NKAIN2: variants seen among roughly 807,000 people sequenced by gnomAD.
NKAIN2 encodes the protein sodium/potassium transporting ATPase interacting 2, also known as sodium/potassium-transporting ATPase subunit beta-1-interacting protein 2.
Under a neutral mutation model 32.6 loss-of-function variants are expected in NKAIN2, and 14 were observed. The observed-to-expected ratio is 0.43, with a 90% CI of 0.28 to 0.67. NKAIN2 has a LOEUF of 0.67. NKAIN2 is among the 30% of genes least tolerant of loss of function. The probability of loss-of-function intolerance (pLI) is 0.17; values close to 1 mark genes in which losing one functional copy is unlikely to be tolerated. For missense variants in NKAIN2, 198 were observed against 258.3 expected (o/e 0.77, Z 1.60); for synonymous variants, 80 against 87.2 (o/e 0.92, Z 0.46).
chr6:124,683,105 A>G (rs1300185871), intron 4 of NKAIN2, among the ~76,000 whole-genome samples: 1 of 152,240 alleles, frequency 6.6e-6, no homozygotes, highest in Non-Finnish European at 1.5e-5. Flanking sequence ...CACATTTGTA[A>G]CAAACATAAG....
chr6:123,860,432 A>T (rs777225976), intron 1 of NKAIN2, among the ~76,000 whole-genome samples: 13 of 152,138 alleles, frequency 8.5e-5, no homozygotes, highest in Non-Finnish European at 1.8e-4. Context: ...ATTATCTGAG[A>T]CAGGATGTCA....
intron 3 of NKAIN2, among the ~76,000 whole-genome samples, chr6:124,486,681 C>G (rs717515): frequency 0.2 from 30,427 of 152,018 alleles, 3,693 homozygotes; most frequent in African/African-American, 0.35. Flanking sequence ...GGAAGCTCTT[C>G]TTTACAGAAT....
In NKAIN2 at chr6:124,680,243, C is replaced by T. The variant is rs1467993004; in HGVS notation, c.474+21857C>T. On this transcript the variant is annotated intron_variant, in intron 4 of 6. Coordinates refer to ENST00000368417, the MANE Select transcript of NKAIN2 (RefSeq NM_001040214.3). ...TGTTTAAAATTTAAGGAATGTGTTT[C>T]CCTTAAAGATTTACTGCAGACCTCC... 3.3e-5 allele frequency among the ~76,000 whole-genome samples: 5 copies of T among 152,134 alleles called. No individual in the cohort carries two copies. The East Asian group carries it at 5.8e-4, about 18-fold the overall frequency.
intron 4 of NKAIN2, among the ~76,000 whole-genome samples, chr6:124,711,221 C>A (rs1775434905): frequency 8.5e-6 from 1 of 117,618 alleles, no homozygotes; most frequent in Non-Finnish European, 1.7e-5. Context: ...GATGGGCTTC[C>A]CTTTGAGGGT....
intron 1 of NKAIN2, among the ~76,000 whole-genome samples, chr6:124,255,037 T>C (rs1466627481): frequency 6.6e-6 from 1 of 152,210 alleles, no homozygotes; most frequent in Non-Finnish European, 1.5e-5. Flanking sequence ...AGTGAACTAG[T>C]AGAGTCCGGC....
intron 1 of NKAIN2, among the ~76,000 whole-genome samples, chr6:124,027,436 C>T (rs903265265): frequency 6.6e-6 from 1 of 152,158 alleles, no homozygotes; most frequent in Admixed American, 6.5e-5. Context: ...TGAGCCACCG[C>T]GCCCAGCCAA....
intron 3 of NKAIN2, among the ~76,000 whole-genome samples, chr6:124,598,285 G>C (rs1302055648): frequency 1.3e-5 from 2 of 151,846 alleles, no homozygotes; most frequent in African/African-American, 4.8e-5. Flanking sequence ...CTCTCATAAG[G>C]GATCAAGAGC....
At chr6:123,872,648 C>T (rs1468105187) in intron 1 of NKAIN2, among the ~76,000 whole-genome samples, 1 of 152,168 alleles carries the variant, frequency 6.6e-6, no homozygotes, top group Non-Finnish European at 1.5e-5. Context: ...CTCATGAACA[C>T]ACTACGGCTC....
At chr6:124,375,459 A>G (rs1048107013) in intron 3 of NKAIN2, among the ~76,000 whole-genome samples, 2 of 146,020 alleles carry the variant, frequency 1.4e-5, no homozygotes, top group East Asian at 2.0e-4. Context: ...TATATATTAC[A>G]TAAACTAATG....
intron 1 of NKAIN2, among the ~76,000 whole-genome samples, chr6:124,089,106 C>A: frequency 6.6e-6 from 1 of 151,980 alleles, no homozygotes. Flanking sequence ...TAAAGTCAAT[C>A]ACCATTGACA....
chr6:124,198,039 G>T (rs1790407699), intron 1 of NKAIN2, among the ~76,000 whole-genome samples: 1 of 151,826 alleles, frequency 6.6e-6, no homozygotes, highest in African/African-American at 2.4e-5. Context: ...AATTAACTGG[G>T]TTTGGGATTT....
intron 3 of NKAIN2, among the ~76,000 whole-genome samples, chr6:124,500,887 A>C (rs1351316452): frequency 6.6e-6 from 1 of 152,158 alleles, no homozygotes; most frequent in East Asian, 1.9e-4. Context: ...GTCAGTCATA[A>C]GAGCTCATGA....
intron 3 of NKAIN2, among the ~76,000 whole-genome samples, chr6:124,586,321 T>C (rs1389671861): frequency 6.6e-6 from 1 of 152,174 alleles, no homozygotes; most frequent in Non-Finnish European, 1.5e-5. Flanking sequence ...GTACAGCCAC[T>C]TTGAAACATG....
chr6:124,614,809 G>A (rs538313116), intron 3 of NKAIN2, among the ~76,000 whole-genome samples: 7 of 152,104 alleles, frequency 4.6e-5, no homozygotes, highest in Non-Finnish European at 4.4e-5. Context: ...CACATATAGC[G>A]TGTCCACAGC....
At chr6:123,934,299 A>G (rs1165607458) in intron 1 of NKAIN2, among the ~76,000 whole-genome samples, 1 of 151,986 alleles carries the variant, frequency 6.6e-6, no homozygotes, top group Non-Finnish European at 1.5e-5. Context: ...GTTTTGGTCC[A>G]CCCTGTGATG....
chr6:124,632,288 T>C (rs1324354143), intron 3 of NKAIN2, among the ~76,000 whole-genome samples: 2 of 152,160 alleles, frequency 1.3e-5, no homozygotes, highest in African/African-American at 4.8e-5. Flanking sequence ...TCACTTTGTA[T>C]AGACAAAATG....
intron 5 of NKAIN2, among the ~76,000 whole-genome samples, chr6:124,801,190 A>G (rs1403845558): frequency 6.6e-6 from 1 of 152,170 alleles, no homozygotes; most frequent in Non-Finnish European, 1.5e-5. Flanking sequence ...CTGGAAACTC[A>G]CTTAGTAAAA....
intron 3 of NKAIN2, among the ~76,000 whole-genome samples, chr6:124,384,330 A>C (rs1014802805): frequency 6.6e-6 from 1 of 152,158 alleles, no homozygotes; most frequent in African/African-American, 2.4e-5. Context: ...CAATCTAAAA[A>C]AGCTGACATG....
At chr6:123,849,910 AT>A (rs1455530695) in intron 1 of NKAIN2, among the ~76,000 whole-genome samples, 4 of 148,370 alleles carry the variant, frequency 2.7e-5, no homozygotes, top group Non-Finnish European at 5.9e-5. Flanking sequence ...CTTTAAAAAA[AT>A]TTTTTTGAGA....
Sources: allele counts gnomAD v4.1 joint callset (sites outside exome capture counted in the v4.1 genomes callset), GRCh38; gene constraint gnomAD v4.1.1; transcripts MANE v1.5; gene names NCBI Gene and HGNC (gene_info 2026-07-23, HGNC 2026-07-21).